The following KCNMB2 variants were observed in gnomAD, a reference collection of about 807,000 sequenced individuals.
KCNMB2 encodes calcium-activated potassium channel subunit beta-2.
Under a neutral mutation model 24.5 loss-of-function variants are expected in KCNMB2, and 9 were observed. That is an observed-to-expected ratio of 0.37 (90% CI 0.22 to 0.64). KCNMB2 has a LOEUF of 0.64. KCNMB2 is among the 30% of genes least tolerant of loss of function. KCNMB2 has a pLI of 0.63. For missense variants in KCNMB2, 226 were observed against 284.3 expected, an observed-to-expected ratio of 0.79 and a Z score of 1.47; for synonymous variants, 109 against 104.4, an observed-to-expected ratio of 1.04 and a Z score of -0.27.
chr3:178,750,942 T>C (rs890591080), intron 1 of KCNMB2, among the ~76,000 whole-genome samples: 2 of 152,216 alleles, frequency 1.3e-5, no homozygotes, highest in African/African-American at 4.8e-5. Flanking sequence ...TCTCAATGGA[T>C]CGACTTGTTA....
Position 178,632,698 on chromosome 3 carries a change from C to A in KCNMB2, c.-68+95987C>A, listed in dbSNP as rs555325591. ...AAACAATATCATTTCACCCTTGGCC[C>A]CTCCCAAATCTCATGTCCTCACATT... On this transcript the variant is annotated intron_variant, in intron 1 of 4. Transcript: ENST00000452583. Among the ~76,000 whole-genome samples, 12 of 151,982 alleles carry A rather than the reference C, an allele frequency of 7.9e-5. 1 individual carries two copies. In the East Asian group the frequency reaches 2.1e-3, roughly 27 times the overall value.
chr3:178,695,035 T>A (rs1721824768), intron 1 of KCNMB2, among the ~76,000 whole-genome samples: 1 of 152,244 alleles, frequency 6.6e-6, no homozygotes, highest in Non-Finnish European at 1.5e-5. Context: ...TGCCTGGGCA[T>A]CCAGGCATTT....
intron 1 of KCNMB2, among the ~76,000 whole-genome samples, chr3:178,718,245 G>C (rs896822781): frequency 1.1e-4 from 17 of 152,194 alleles, no homozygotes; most frequent in African/African-American, 4.1e-4. Context: ...CTTTGTGCCT[G>C]AGAAGAAACT....
intron 1 of KCNMB2, among the ~76,000 whole-genome samples, chr3:178,757,291 G>T (rs1207435426): frequency 1.0e-4 from 7 of 67,062 alleles, no homozygotes; most frequent in South Asian, 4.8e-4. Context: ...TATCCAAGAG[G>T]ATATATATAT....
At chr3:178,814,777 A>G (rs1022721376) in intron 2 of KCNMB2, among the ~76,000 whole-genome samples, 11 of 151,786 alleles carry the variant, frequency 7.2e-5, no homozygotes, top group African/African-American at 2.7e-4. Flanking sequence ...TTTTTTTGAG[A>G]AGTGTCTGTT....
intron 1 of KCNMB2, among the ~76,000 whole-genome samples, chr3:178,569,380 G>A (rs374546298): frequency 4.6e-5 from 7 of 152,108 alleles, no homozygotes; most frequent in African/African-American, 9.7e-5. Context: ...CCACATCTGC[G>A]GTGTAGAGGG....
chr3:178,596,156 T>C (rs1192502691), intron 1 of KCNMB2, among the ~76,000 whole-genome samples: 1 of 152,140 alleles, frequency 6.6e-6, no homozygotes, highest in Non-Finnish European at 1.5e-5. Flanking sequence ...TCAATCTTAA[T>C]CCCTTAGACG....
chr3:178,607,628 CGT>C (rs143508589), intron 1 of KCNMB2, among the ~76,000 whole-genome samples: 8,359 of 146,228 alleles, frequency 0.057, 688 homozygotes, highest in African/African-American at 0.19. Flanking sequence ...ATTGTGCATG[CGT>C]GTGTGTGTGT....
chr3:178,753,359 C>A (rs771319256), intron 1 of KCNMB2, among the ~76,000 whole-genome samples: 5 of 152,194 alleles, frequency 3.3e-5, no homozygotes, highest in Non-Finnish European at 5.9e-5. Context: ...CTGGCTCTGC[C>A]AAACACTGAC....
At chr3:178,645,673 C>G (rs1021309715) in intron 1 of KCNMB2, among the ~76,000 whole-genome samples, 1 of 152,098 alleles carries the variant, frequency 6.6e-6, no homozygotes, top group Admixed American at 6.5e-5. Flanking sequence ...AGTGGCACTT[C>G]CGTTCTGCCA....
chr3:178,553,368 G>A (rs1716020476), intron 1 of KCNMB2, among the ~76,000 whole-genome samples: 1 of 151,994 alleles, frequency 6.6e-6, no homozygotes, highest in African/African-American at 2.4e-5. Context: ...CTGAAAATTG[G>A]CCAACACAGA....
intron 1 of KCNMB2, among the ~76,000 whole-genome samples, chr3:178,624,676 C>T (rs1025554035): frequency 2.0e-5 from 3 of 150,846 alleles, no homozygotes; most frequent in Non-Finnish European, 4.4e-5. Context: ...TTCACACTTG[C>T]CAACGCCGCT....
At chr3:178,642,452 T>A (rs1311302615) in intron 1 of KCNMB2, among the ~76,000 whole-genome samples, 1 of 152,186 alleles carries the variant, frequency 6.6e-6, no homozygotes, top group African/African-American at 2.4e-5. Flanking sequence ...CACCACCCTG[T>A]GCTCCCCACC....
intron 1 of KCNMB2, among the ~76,000 whole-genome samples, chr3:178,669,929 A>C (rs1720843532): frequency 1.3e-5 from 2 of 152,030 alleles, no homozygotes; most frequent in Admixed American, 6.6e-5. Flanking sequence ...AGCAAGCAGG[A>C]AGTGGATATA....
intron 1 of KCNMB2, among the ~76,000 whole-genome samples, chr3:178,759,139 G>GAT (rs201505124): frequency 0.089 from 1,550 of 17,438 alleles, 423 homozygotes; most frequent in African/African-American, 0.14. Context: ...CTCCAAGAGG[G>GAT]ATATATATAT....
At chr3:178,661,879 A>G (rs1340633747) in intron 1 of KCNMB2, among the ~76,000 whole-genome samples, 3 of 152,184 alleles carry the variant, frequency 2.0e-5, no homozygotes, top group African/African-American at 7.2e-5. Flanking sequence ...TTACAGGGAC[A>G]ATACACACTA....
intron 1 of KCNMB2, among the ~76,000 whole-genome samples, chr3:178,759,497 G>C (rs1374253884): frequency 1.2e-5 from 1 of 83,300 alleles, no homozygotes; most frequent in African/African-American, 5.2e-5. Flanking sequence ...ATCTCCAAGA[G>C]GATATATATA....
intron 1 of KCNMB2, among the ~76,000 whole-genome samples, chr3:178,802,555 C>T (rs1051513339): frequency 2.0e-5 from 3 of 152,224 alleles, no homozygotes; most frequent in South Asian, 2.1e-4. Context: ...AATAATTAAA[C>T]TTATGAAATC....
At chr3:178,790,814 C>T (rs1430708477) in intron 1 of KCNMB2, among the ~76,000 whole-genome samples, 3 of 152,282 alleles carry the variant, frequency 2.0e-5, no homozygotes, top group African/African-American at 7.2e-5. Flanking sequence ...AGAGTCTCTG[C>T]CTGGTAATCC....
Sources: gnomAD v4.1 joint callset for allele counts (sites outside exome capture counted in the v4.1 genomes callset) on GRCh38, gnomAD v4.1.1 for gene constraint, MANE v1.5 for transcripts, NCBI Gene and HGNC (gene_info 2026-07-23, HGNC 2026-07-21) for gene names.